Variants in NRG3 observed in about 807,000 individuals in gnomAD.
NRG3 encodes neuregulin 3.
In NRG3, 31 loss-of-function variants were observed where a neutral mutation model predicts 66.9. The observed-to-expected ratio is 0.46, with a 90% CI of 0.35 to 0.63. The LOEUF is 0.63. Ranked by LOEUF, NRG3 falls within the 20% of genes least tolerant of loss-of-function variation. NRG3 has a pLI of 0.00. For missense variants in NRG3, 910 were observed against 878.9 expected, an observed-to-expected ratio of 1.04 and a Z score of -0.45; for synonymous variants, 393 against 359.4, an observed-to-expected ratio of 1.09 and a Z score of -1.06.
intron 1 of NRG3, among the ~76,000 whole-genome samples, chr10:82,350,396 G>T (rs985552629): frequency 6.6e-6 from 1 of 152,136 alleles, no homozygotes; most frequent in African/African-American, 2.4e-5. Flanking sequence ...TGACTTGCTA[G>T]GTCCCTAAGA....
chr10:82,736,243 C>A (rs970743044), intron 2 of NRG3, among the ~76,000 whole-genome samples: 1 of 152,198 alleles, frequency 6.6e-6, no homozygotes, highest in Non-Finnish European at 1.5e-5. Context: ...AATCTATGCA[C>A]TAGAAGTGCA....
intron 2 of NRG3, among the ~76,000 whole-genome samples, chr10:82,669,998 T>C (rs562193827): frequency 3.3e-5 from 5 of 152,080 alleles, no homozygotes; most frequent in Admixed American, 6.5e-5. Flanking sequence ...GGAGCCCAAG[T>C]GACAAGAAGA....
At chr10:82,353,412 C>T (rs2083557607) in intron 1 of NRG3, among the ~76,000 whole-genome samples, 1 of 152,146 alleles carries the variant, frequency 6.6e-6, no homozygotes, top group African/African-American at 2.4e-5. Context: ...GGATTTCTGT[C>T]TTCCAACCCA....
intron 3 of NRG3, among the ~76,000 whole-genome samples, chr10:82,808,082 A>G (rs1398501263): frequency 3.3e-5 from 5 of 152,094 alleles, no homozygotes; most frequent in African/African-American, 1.2e-4. Context: ...TGTGTTGTGA[A>G]TGAGGAACAT....
In NRG3 at chr10:82,875,944, C is replaced by T. The variant is rs564588854; in HGVS notation, c.1054+10507C>T. On this transcript the variant is annotated intron_variant, in intron 4 of 8. Transcript: ENST00000372141. ...ATAAATTCAATTCTGAGATAATTTT[C>T]GGGTGAGATTAATAGTGTTCAGTGA... Among the ~76,000 whole-genome samples, 8 of 152,232 alleles carry T rather than the reference C, an allele frequency of 5.3e-5. No individual in the cohort carries two copies. The South Asian group carries it at 6.2e-4, about 12-fold the overall frequency.
At chr10:82,666,966 A>G (rs2052840348) in intron 2 of NRG3, among the ~76,000 whole-genome samples, 1 of 152,208 alleles carries the variant, frequency 6.6e-6, no homozygotes, top group Non-Finnish European at 1.5e-5. Context: ...CTTTAATGCA[A>G]CAGTGATTCT....
At chr10:82,346,466 C>T (rs1471036435) in intron 1 of NRG3, among the ~76,000 whole-genome samples, 1 of 148,076 alleles carries the variant, frequency 6.8e-6, no homozygotes, top group African/African-American at 2.5e-5. Flanking sequence ...ATTCGGTTTG[C>T]CAGTATTTTA....
chr10:82,472,176 T>A (rs185310057), intron 2 of NRG3, among the ~76,000 whole-genome samples: 19 of 152,306 alleles, frequency 1.2e-4, no homozygotes, highest in Admixed American at 1.2e-3. Flanking sequence ...AAAAGATTGG[T>A]CAGTCTTTGA....
At chr10:82,437,378 G>A (rs931984147) in intron 2 of NRG3, among the ~76,000 whole-genome samples, 16 of 151,372 alleles carry the variant, frequency 1.1e-4, no homozygotes, top group African/African-American at 3.2e-4. Flanking sequence ...TGTGTTTTTC[G>A]GCTTCATCAG....
chr10:82,701,958 G>A (rs1365285305), intron 2 of NRG3, among the ~76,000 whole-genome samples: 1 of 152,156 alleles, frequency 6.6e-6, no homozygotes, highest in African/African-American at 2.4e-5. Context: ...CAAAATTAAT[G>A]ATGGAGTTAG....
At chr10:82,498,471 A>C (rs914330952) in intron 2 of NRG3, among the ~76,000 whole-genome samples, 27 of 152,190 alleles carry the variant, frequency 1.8e-4, no homozygotes, top group African/African-American at 4.8e-5. Context: ...GCTTGTCTTC[A>C]TCAGAAACCA....
chr10:81,878,948 T>C lies in NRG3; in HGVS notation c.823+2785T>C, dbSNP rs532252585. Among the ~76,000 whole-genome samples, 27 of 152,306 alleles carry C rather than the reference T, an allele frequency of 1.8e-4. No individual in the cohort carries two copies. The South Asian group carries it at 5.4e-3, about 30-fold the overall frequency. ...CACTGACAATGAACATGCTTGCTAA[T>C]GGATAATAGGATTTTTTCAAGCAAA... On this transcript the variant is annotated intron_variant, in intron 1 of 8. Coordinates refer to ENST00000372141, the MANE Select transcript of NRG3 (RefSeq NM_001010848.4).
At chr10:82,884,385 T>TTA (rs1842560436) in intron 4 of NRG3, among the ~76,000 whole-genome samples, 1 of 152,222 alleles carries the variant, frequency 6.6e-6, no homozygotes, top group East Asian at 1.9e-4. Flanking sequence ...CAGATATTTT[T>TTA]GCATATTGAG....
chr10:82,695,488 A>C (rs532424827), intron 2 of NRG3, among the ~76,000 whole-genome samples: 38 of 152,250 alleles, frequency 2.5e-4, no homozygotes, highest in African/African-American at 9.1e-4. Flanking sequence ...AACTGGATAC[A>C]GCTATATGTG....
intron 3 of NRG3, among the ~76,000 whole-genome samples, chr10:82,861,173 A>G (rs770028132): frequency 1.3e-5 from 2 of 151,966 alleles, no homozygotes; most frequent in Non-Finnish European, 1.5e-5. Context: ...TGTATTCATG[A>G]CAAAGAAAGT....
intron 1 of NRG3, among the ~76,000 whole-genome samples, chr10:82,256,576 C>T (rs2134157199): frequency 6.6e-6 from 1 of 152,308 alleles, no homozygotes; most frequent in South Asian, 2.1e-4. Context: ...CTCTTGCTCT[C>T]TATCCTGCTG....
At chr10:82,440,939 C>T (rs2090403013) in intron 2 of NRG3, among the ~76,000 whole-genome samples, 1 of 152,078 alleles carries the variant, frequency 6.6e-6, no homozygotes. Context: ...TGTTTGCTGA[C>T]TCAGCTTAAA....
chr10:82,299,155 G>A (rs568960299), intron 1 of NRG3, among the ~76,000 whole-genome samples: 13 of 152,194 alleles, frequency 8.5e-5, no homozygotes, highest in Admixed American at 7.9e-4. Context: ...AAAAACTTAG[G>A]GATCTGCAGC....
At chr10:82,048,926 C>A (rs936352982) in intron 1 of NRG3, among the ~76,000 whole-genome samples, 1 of 151,934 alleles carries the variant, frequency 6.6e-6, no homozygotes, top group South Asian at 2.1e-4. Flanking sequence ...ATATCACCAG[C>A]GATCCCACAG....
Sources: allele counts gnomAD v4.1 joint callset (sites outside exome capture counted in the v4.1 genomes callset), GRCh38; gene constraint gnomAD v4.1.1; transcripts MANE v1.5; gene names NCBI Gene and HGNC (gene_info 2026-07-23, HGNC 2026-07-21).